Variants in ERC1 observed in about 807,000 individuals in gnomAD.
ERC1 encodes the protein RAB6 interacting protein 2.
In ERC1, 56 loss-of-function variants were observed where a neutral mutation model predicts 132.0. The ratio of observed to expected loss-of-function variants is 0.42; its 90% CI spans 0.34 to 0.53. The LOEUF is 0.53. Among genes scored for constraint, ERC1 ranks in the 20% least tolerant of loss-of-function variants. The pLI, the probability that ERC1 is intolerant of heterozygous loss-of-function variation, is 0.03. For missense variants in ERC1, 1,202 were observed against 1,349.9 expected (o/e 0.89, Z 1.72); for synonymous variants, 478 against 476.1 (o/e 1.00, Z -0.05).
chr12:1,179,528 G>A (rs1213572433), intron 8 of ERC1, among the ~76,000 whole-genome samples: 1 of 104,066 alleles, frequency 9.6e-6, no homozygotes, highest in African/African-American at 3.5e-5. Context: ...TTTTTTTTGA[G>A]ACGGAGTCTC....
At chr12:1,126,227 T>C (rs1254134525) in intron 7 of ERC1, among the ~76,000 whole-genome samples, 2 of 152,214 alleles carry the variant, frequency 1.3e-5, no homozygotes, top group African/African-American at 4.8e-5. Context: ...GGGAGAACCC[T>C]GCCCTGTGAG....
intron 15 of ERC1, among the ~76,000 whole-genome samples, chr12:1,348,108 C>G (rs1053707658): frequency 3.3e-5 from 5 of 152,184 alleles, no homozygotes; most frequent in African/African-American, 1.2e-4. Context: ...CATTGTCTGG[C>G]ATGCTACAAA....
rs57752848 is a variant in ERC1, at chr12:1,349,660, TAAAAAAA to T, written c.2781-22159_2781-22153del. ...ACCTGGACGACAGAGTGAGACCGTC[TAAAAAAA>T]AAAAAAAAAAAAAGTTATTTTTGAT... On this transcript the variant is annotated intron_variant, in intron 15 of 18. Transcript: ENST00000360905. 5.6e-5 allele frequency among the ~76,000 whole-genome samples: 6 copies of T among 107,616 alleles called. No homozygotes were observed. The South Asian group carries it at 1.8e-3, about 33-fold the overall frequency. The allele number at this position is 107,616 out of a possible 152,430, so 70.6% of individuals were successfully genotyped here. A position where few individuals can be genotyped will look rare whatever the true frequency, so the allele number is the denominator to read the frequency against.
intron 16 of ERC1, among the ~76,000 whole-genome samples, chr12:1,405,696 C>A (rs950971639): frequency 3.4e-4 from 51 of 151,996 alleles, no homozygotes; most frequent in African/African-American, 1.2e-3. Context: ...GAGCAAGACT[C>A]CATCTCAAAA....
intron 12 of ERC1, among the ~76,000 whole-genome samples, chr12:1,197,958 C>G (rs1462534773): frequency 6.6e-6 from 1 of 151,034 alleles, no homozygotes; most frequent in African/African-American, 2.4e-5. Flanking sequence ...GAGGCAGGGT[C>G]TCTCTCATCC....
At chr12:1,225,473 C>CAG (rs1566305145) in intron 12 of ERC1, among the ~76,000 whole-genome samples, 17 of 151,516 alleles carry the variant, frequency 1.1e-4, no homozygotes, top group African/African-American at 2.4e-4. Context: ...CACACACACA[C>CAG]ACACACACAC....
intron 7 of ERC1, among the ~76,000 whole-genome samples, chr12:1,123,028 G>A (rs1390218749): frequency 2.0e-5 from 3 of 152,124 alleles, no homozygotes; most frequent in Admixed American, 2.0e-4. Flanking sequence ...CACTCCCCCA[G>A]CTCCAGCTGG....
At chr12:1,001,299 C>G (rs917494653) in intron 1 of ERC1, among the ~76,000 whole-genome samples, 1 of 152,204 alleles carries the variant, frequency 6.6e-6, no homozygotes, top group Admixed American at 6.5e-5. Flanking sequence ...TTCAAATGAT[C>G]CTCCTGTCTT....
chr12:1,470,212 G>A (rs542168230), intron 18 of ERC1, among the ~76,000 whole-genome samples: 23 of 151,730 alleles, frequency 1.5e-4, no homozygotes, highest in Non-Finnish European at 3.1e-4. Flanking sequence ...CAGATACCAC[G>A]CACTGGAAAT....
At chr12:1,084,890 C>G (rs1342026415) in intron 3 of ERC1, among the ~76,000 whole-genome samples, 8 of 152,086 alleles carry the variant, frequency 5.3e-5, no homozygotes, top group Admixed American at 5.2e-4. Context: ...TTTGTAGAGA[C>G]AGAGTCTCCC....
intron 2 of ERC1, among the ~76,000 whole-genome samples, chr12:1,064,133 G>C (rs1938609027): frequency 6.6e-6 from 1 of 151,680 alleles, no homozygotes; most frequent in Non-Finnish European, 1.5e-5. Context: ...CTCCTGACTT[G>C]TAAAGTTTCT....
At chr12:1,007,442 A>C (rs1240335020) in intron 1 of ERC1, among the ~76,000 whole-genome samples, 1 of 150,178 alleles carries the variant, frequency 6.7e-6, no homozygotes, top group Non-Finnish European at 1.5e-5. Flanking sequence ...AAAAGCTTTA[A>C]CAGGACTGGG....
intron 11 of ERC1, among the ~76,000 whole-genome samples, chr12:1,185,730 T>TG (rs757136784): frequency 1.4e-5 from 2 of 144,784 alleles, no homozygotes; most frequent in African/African-American, 5.5e-5. Flanking sequence ...AACTCTAGGT[T>TG]GTTTTTTTTT....
intron 2 of ERC1, among the ~76,000 whole-genome samples, chr12:1,058,001 G>T (rs1005558416): frequency 1.3e-5 from 2 of 151,336 alleles, no homozygotes; most frequent in Admixed American, 6.6e-5. Context: ...ATCAGATTAG[G>T]TTTTTTTTGT....
At chr12:1,288,470 A>G (rs994324819) in intron 14 of ERC1, among the ~76,000 whole-genome samples, 2 of 152,220 alleles carry the variant, frequency 1.3e-5, no homozygotes, top group Admixed American at 1.3e-4. Flanking sequence ...AGCTGAAGAC[A>G]TTTAACTTGC....
intron 3 of ERC1, among the ~76,000 whole-genome samples, chr12:1,094,367 G>C (rs1310017771): frequency 6.6e-6 from 1 of 150,738 alleles, no homozygotes; most frequent in Non-Finnish European, 1.5e-5. Flanking sequence ...AATTTTGGAA[G>C]ATGAGAACAG....
chr12:1,377,436 A>G (rs1225381577), intron 16 of ERC1, among the ~76,000 whole-genome samples: 1 of 152,198 alleles, frequency 6.6e-6, no homozygotes, highest in East Asian at 1.9e-4. Context: ...ATGCTTTCAC[A>G]CTTCCCCATC....
At chr12:1,126,246 A>C (rs1948146339) in intron 7 of ERC1, among the ~76,000 whole-genome samples, 1 of 152,250 alleles carries the variant, frequency 6.6e-6, no homozygotes, top group Non-Finnish European at 1.5e-5. Context: ...AGACATGAAA[A>C]TACAGAGTCA....
chr12:1,005,439 C>T (rs1362708535), intron 1 of ERC1, among the ~76,000 whole-genome samples: 2 of 152,122 alleles, frequency 1.3e-5, no homozygotes, highest in African/African-American at 4.8e-5. Flanking sequence ...CCATACCTGG[C>T]CCCTTTTCTA....
Sources: gnomAD v4.1 joint callset for allele counts (sites outside exome capture counted in the v4.1 genomes callset) on GRCh38, gnomAD v4.1.1 for gene constraint, MANE v1.5 for transcripts, NCBI Gene and HGNC (gene_info 2026-07-23, HGNC 2026-07-21) for gene names.